Variants in KLF12 observed in about 807,000 individuals in gnomAD.
KLF12 encodes Krueppel-like factor 12.
KLF12 carries 9 observed loss-of-function variants against 37.8 expected under a neutral mutation model. The observed-to-expected ratio is 0.24, with a 90% CI of 0.14 to 0.42. KLF12 has a LOEUF of 0.42. Ranked by LOEUF, KLF12 falls within the 10% of genes least tolerant of loss-of-function variation. KLF12 has a pLI of 1.00. For synonymous variants in KLF12, 208 were observed against 202.1 expected (o/e 1.03, Z -0.25); for missense variants, 411 against 516.0 (o/e 0.80, Z 1.97).
chr13:74,266,593 AC>A, the KLF12 span, among the ~76,000 whole-genome samples: 1 of 152,134 alleles, frequency 6.6e-6, no homozygotes, highest in Non-Finnish European at 1.5e-5. Context: ...TTCTCTCTCA[AC>A]CCCAGTGGCC....
At chr13:74,111,718 G>A (rs1472557499) in intron 1 of KLF12, among the ~76,000 whole-genome samples, 2 of 95,704 alleles carry the variant, frequency 2.1e-5, no homozygotes, top group African/African-American at 5.0e-5. Context: ...TTGTGCCAAT[G>A]GGGAAAAAAG....
At chr13:74,045,191 T>C (rs928152411) in intron 1 of KLF12, among the ~76,000 whole-genome samples, 1 of 152,054 alleles carries the variant, frequency 6.6e-6, no homozygotes, top group African/African-American at 2.4e-5. Flanking sequence ...AACTTTACAG[T>C]GGAGAAAGCT....
intron 1 of KLF12, among the ~76,000 whole-genome samples, chr13:74,125,818 C>T (rs1877908526): frequency 6.6e-6 from 1 of 152,132 alleles, no homozygotes; most frequent in South Asian, 2.1e-4. Flanking sequence ...AGCCTCTAAA[C>T]CATATTTATT....
At chr13:73,879,692 C>T (rs1323143951) in intron 3 of KLF12, among the ~76,000 whole-genome samples, 1 of 152,168 alleles carries the variant, frequency 6.6e-6, no homozygotes, top group Non-Finnish European at 1.5e-5. Flanking sequence ...CAGTAGAGGG[C>T]CTTGGTGCCA....
chr13:73,806,659 A>AC (rs1882645525), intron 5 of KLF12, among the ~76,000 whole-genome samples: 1 of 151,920 alleles, frequency 6.6e-6, no homozygotes, highest in South Asian at 2.1e-4. Flanking sequence ...CAAAAAAAAA[A>AC]AAAAAGAAAG....
chr13:73,778,484 C>T (rs971645517), intron 5 of KLF12, among the ~76,000 whole-genome samples: 6 of 152,120 alleles, frequency 3.9e-5, no homozygotes, highest in African/African-American at 1.4e-4. Flanking sequence ...CTCAGCCTCC[C>T]GAGTAGCTGG....
chr13:74,014,568 A>G (rs1303417972), intron 1 of KLF12, among the ~76,000 whole-genome samples: 1 of 152,246 alleles, frequency 6.6e-6, no homozygotes, highest in Non-Finnish European at 1.5e-5. Context: ...TATGGAATGC[A>G]TATTAAAATT....
intron 4 of KLF12, among the ~76,000 whole-genome samples, chr13:73,815,035 CCTT>C (rs995272796): frequency 7.0e-6 from 1 of 143,228 alleles, no homozygotes; most frequent in Admixed American, 7.1e-5. Flanking sequence ...TATTTTCTGG[CCTT>C]GTCTTAAAAA....
At chr13:73,897,938 C>T (rs913717924) in intron 3 of KLF12, among the ~76,000 whole-genome samples, 7 of 152,210 alleles carry the variant, frequency 4.6e-5, no homozygotes, top group African/African-American at 1.7e-4. Context: ...TGAGCCCCTA[C>T]TTGCCCTATT....
chr13:73,973,207 T>A (rs1022600653), intron 2 of KLF12, among the ~76,000 whole-genome samples: 2 of 152,208 alleles, frequency 1.3e-5, no homozygotes, highest in African/African-American at 4.8e-5. Context: ...TTTAAAATAA[T>A]TACCCTGTGG....
chr13:74,033,293 T>C (rs1392467524), intron 1 of KLF12, among the ~76,000 whole-genome samples: 1 of 152,210 alleles, frequency 6.6e-6, no homozygotes, highest in South Asian at 2.1e-4. Context: ...ATTTGGTGTA[T>C]GCCCTTTTAT....
chr13:73,956,589 G>A (rs1404198803), intron 2 of KLF12, among the ~76,000 whole-genome samples: 2 of 152,116 alleles, frequency 1.3e-5, no homozygotes, highest in African/African-American at 4.8e-5. Flanking sequence ...CAGAACCACT[G>A]TTTTATAATT....
At chr13:74,095,465 T>C (rs1161830751) in intron 1 of KLF12, among the ~76,000 whole-genome samples, 1 of 152,024 alleles carries the variant, frequency 6.6e-6, no homozygotes, top group Non-Finnish European at 1.5e-5. Context: ...AATAGCTCAC[T>C]GCAGCCTCAA....
chr13:74,290,267 A>G, the KLF12 span, among the ~76,000 whole-genome samples: 1 of 152,232 alleles, frequency 6.6e-6, no homozygotes, highest in African/African-American at 2.4e-5. Flanking sequence ...AAAAGCTAGA[A>G]TAAAATTCAG....
the KLF12 span, among the ~76,000 whole-genome samples, chr13:74,291,044 G>A: frequency 6.6e-6 from 1 of 152,186 alleles, no homozygotes; most frequent in African/African-American, 2.4e-5. Context: ...GCCCCAGTGA[G>A]CAGAGCTTTC....
chr13:73,905,456 A>T (rs918425015), intron 3 of KLF12, among the ~76,000 whole-genome samples: 1 of 151,964 alleles, frequency 6.6e-6, no homozygotes. Flanking sequence ...ATTCAGAGTG[A>T]ACCCAACATA....
At chr13:74,009,610 G>A (rs1167394481) in intron 1 of KLF12, among the ~76,000 whole-genome samples, 2 of 152,300 alleles carry the variant, frequency 1.3e-5, no homozygotes, top group Non-Finnish European at 2.9e-5. Context: ...GGAGAGAAAC[G>A]TGGTAATTTT....
At chr13:74,292,488 G>C in the KLF12 span, among the ~76,000 whole-genome samples, 1 of 143,088 alleles carries the variant, frequency 7.0e-6, no homozygotes, top group African/African-American at 2.6e-5. Flanking sequence ...TTTTAACTTT[G>C]TTATGTCCAT....
At chr13:74,227,445 A>G in the KLF12 span, among the ~76,000 whole-genome samples, 25 of 152,304 alleles carry the variant, frequency 1.6e-4, no homozygotes, top group Non-Finnish European at 3.1e-4. Context: ...GTGCAATAAT[A>G]GTAGATAAAT....
Sources: allele counts gnomAD v4.1 joint callset (sites outside exome capture counted in the v4.1 genomes callset), GRCh38; gene constraint gnomAD v4.1.1; transcripts MANE v1.5; gene names NCBI Gene and HGNC (gene_info 2026-07-23, HGNC 2026-07-21).